Variants in EYS observed in about 807,000 individuals in gnomAD.
EYS encodes the protein EGF-like photoreceptor maintenance factor, also known as protein eyes shut homolog.
Under a neutral mutation model 282.1 loss-of-function variants are expected in EYS, and 250 were observed. The ratio of observed to expected loss-of-function variants is 0.89; its 90% confidence interval spans 0.80 to 0.98. EYS has a LOEUF of 0.98. Among genes scored for constraint, EYS ranks in the 50% least tolerant of loss-of-function variants. The pLI is 0.00. For synonymous variants in EYS, 1,355 were observed against 1,282.9 expected (o/e 1.06, Z -1.20); for missense variants, 4,016 against 3,709.0 (o/e 1.08, Z -2.15).
At position 65,230,189 on chromosome 6, in the gene EYS, G is replaced by C. The variant is rs145932033; in HGVS notation, c.2023+65674C>G. Among the ~76,000 whole-genome samples, 325 of 151,950 alleles carry C rather than the reference G, an allele frequency of 2.1e-3. 4 individuals are homozygous for C. Among genetic ancestry groups the C allele is most frequent in the African/African-American group, 7.4e-3 (309 of 41,514 alleles). Reference sequence around the variant, plus strand: ...TAGAAGTAATCTAAAGATAAATTAAGTGATCAAATCCTTAACAGAAGGAGT... The same window carrying C: ...TAGAAGTAATCTAAAGATAAATTAACTGATCAAATCCTTAACAGAAGGAGT... On this transcript the variant is annotated intron_variant, in intron 12 of 42. Coordinates refer to ENST00000503581, the MANE Select transcript of EYS (RefSeq NM_001142800.2).
At chr6:63,959,719 G>A (rs1765972056) in intron 35 of EYS, among the ~76,000 whole-genome samples, 1 of 152,138 alleles carries the variant, frequency 6.6e-6, no homozygotes, top group Non-Finnish European at 1.5e-5. Flanking sequence ...GCAGGGACAT[G>A]GATGAAGCTG....
chr6:64,086,184 ACT>A (rs1420616423), intron 31 of EYS, among the ~76,000 whole-genome samples: 2 of 151,862 alleles, frequency 1.3e-5, no homozygotes, highest in Non-Finnish European at 2.9e-5. Context: ...AAGCTTAGAA[ACT>A]CAGCATCATT....
rs141515195 is a variant in EYS, at chr6:65,142,424, G to A, written c.2024-84697C>T. On this transcript the variant is annotated intron_variant, in intron 12 of 42. Transcript: ENST00000503581. Reference sequence around the variant, plus strand: ...ATCTTTGTTGTGATGAAGTAGTTCTGTACTTGACTCAGGTGGTGGTTACAG... The same window carrying A: ...ATCTTTGTTGTGATGAAGTAGTTCTATACTTGACTCAGGTGGTGGTTACAG... Among the ~76,000 whole-genome samples the A allele has an allele frequency of 3.9e-3, 583 of 150,344 alleles. 3 individuals are homozygous for A. The highest frequency in any genetic ancestry group is 0.014 in the African/African-American group (558 of 40,954).
intron 26 of EYS, among the ~76,000 whole-genome samples, chr6:64,571,559 G>C (rs1765726530): frequency 6.6e-6 from 1 of 151,922 alleles, no homozygotes; most frequent in African/African-American, 2.4e-5. Flanking sequence ...AAAAACAGAA[G>C]AATCAAATAG....
intron 26 of EYS, among the ~76,000 whole-genome samples, chr6:64,569,424 C>T (rs563034933): frequency 6.6e-6 from 1 of 151,924 alleles, no homozygotes; most frequent in East Asian, 2.0e-4. Flanking sequence ...TGAAATAAAG[C>T]ATGAAGACAA....
At chr6:63,850,623 G>A (rs1379336800) in intron 36 of EYS, among the ~76,000 whole-genome samples, 1 of 152,136 alleles carries the variant, frequency 6.6e-6, no homozygotes, top group African/African-American at 2.4e-5. Context: ...ACAAGCAAAT[G>A]TTGAGGGATT....
intron 14 of EYS, among the ~76,000 whole-genome samples, chr6:64,969,628 C>A (rs1265720622): frequency 6.6e-6 from 1 of 152,086 alleles, no homozygotes; most frequent in Non-Finnish European, 1.5e-5. Flanking sequence ...GAAGCCACTT[C>A]TTTTGCTTGA....
chr6:64,323,789 T>A (rs1267540996), intron 29 of EYS, among the ~76,000 whole-genome samples: 1 of 152,088 alleles, frequency 6.6e-6, no homozygotes, highest in Non-Finnish European at 1.5e-5. Flanking sequence ...TAGAAATATG[T>A]CCATAATGGA....
intron 2 of EYS, among the ~76,000 whole-genome samples, chr6:65,549,833 T>C (rs1768533197): frequency 6.6e-6 from 1 of 152,216 alleles, no homozygotes; most frequent in Non-Finnish European, 1.5e-5. Context: ...CTTCCTGATC[T>C]GGTTCAATGG....
intron 31 of EYS, among the ~76,000 whole-genome samples, chr6:64,195,923 C>T (rs1351246973): frequency 6.6e-6 from 1 of 152,076 alleles, no homozygotes; most frequent in Non-Finnish European, 1.5e-5. Flanking sequence ...AGCTTCTGCA[C>T]AGCAAAAGAA....
In EYS at chr6:64,591,690, A is replaced by T. The variant is rs1380800109; in HGVS notation, c.4177T>A (p.Phe1393Ile). 6.4e-7 allele frequency: 1 copy of T among 1,551,210 alleles called. No individual in the cohort carries two copies. Among genetic ancestry groups the T allele is most frequent in the Non-Finnish European group, 8.7e-7 (1 of 1,146,752 alleles). The change falls in exon 26 of 43, where the codon TTT (phenylalanine) becomes ATT (isoleucine). Residue 1393 changes from phenylalanine to isoleucine, a missense_variant. Coordinates refer to ENST00000503581, the MANE Select transcript of EYS (RefSeq NM_001142800.2). ...TCTGACATTAAGGAAGACATGATAA[A>T]TGGGGTCCTTGCTCTCCTATCAGGA... ...FFPDRRARTP[F>I]IMSSLMSDFI...
chr6:64,250,524 C>T (rs1047348063), intron 30 of EYS, among the ~76,000 whole-genome samples: 1 of 152,164 alleles, frequency 6.6e-6, no homozygotes, highest in Non-Finnish European at 1.5e-5. Flanking sequence ...CCACAAATAG[C>T]TAAAGCAATG....
intron 1 of EYS, among the ~76,000 whole-genome samples, chr6:65,677,796 A>G (rs925050118): frequency 2.6e-5 from 4 of 152,042 alleles, no homozygotes; most frequent in Non-Finnish European, 4.4e-5. Context: ...AAAACATACT[A>G]CAAAGCTACA....
intron 2 of EYS, among the ~76,000 whole-genome samples, chr6:65,517,775 G>T (rs1767197973): frequency 6.6e-6 from 1 of 151,950 alleles, no homozygotes; most frequent in African/African-American, 2.4e-5. Flanking sequence ...TATTACCATT[G>T]TTGTGAATTA....
chr6:65,499,321 A>G (rs1274226576), intron 2 of EYS, among the ~76,000 whole-genome samples: 2 of 152,096 alleles, frequency 1.3e-5, no homozygotes, highest in African/African-American at 2.4e-5. Flanking sequence ...CATGCTCATT[A>G]TAATAGTTGG....
intron 2 of EYS, among the ~76,000 whole-genome samples, chr6:65,525,505 C>T (rs1039856232): frequency 2.6e-5 from 4 of 152,158 alleles, no homozygotes; most frequent in Non-Finnish European, 5.9e-5. Flanking sequence ...TCTGATTCCC[C>T]TCGCCCACCA....
At chr6:64,223,040 G>A (rs1766149570) in intron 31 of EYS, among the ~76,000 whole-genome samples, 1 of 151,714 alleles carries the variant, frequency 6.6e-6, no homozygotes, top group Non-Finnish European at 1.5e-5. Context: ...TCAAAGTTCT[G>A]GTGACTTTCT....
At chr6:64,525,894 T>A (rs1777901492) in intron 26 of EYS, among the ~76,000 whole-genome samples, 1 of 151,772 alleles carries the variant, frequency 6.6e-6, no homozygotes, top group South Asian at 2.1e-4. Flanking sequence ...AATGAAAATT[T>A]GTGTTCACAC....
At chr6:64,679,065 A>C (rs940877539) in intron 22 of EYS, among the ~76,000 whole-genome samples, 2 of 152,068 alleles carry the variant, frequency 1.3e-5, no homozygotes, top group Admixed American at 1.3e-4. Context: ...ATATATTCAT[A>C]ATCTATAAAA....
Sources: allele counts gnomAD v4.1 joint callset (sites outside exome capture counted in the v4.1 genomes callset), GRCh38; gene constraint gnomAD v4.1.1; transcripts MANE v1.5; gene names NCBI Gene and HGNC (gene_info 2026-07-23, HGNC 2026-07-21).